The following SHANK2 variants were observed in gnomAD, a reference collection of about 807,000 sequenced individuals.
The protein encoded by SHANK2 is SH3 and multiple ankyrin repeat domains protein 2.
Under a neutral mutation model 133.7 loss-of-function variants are expected in SHANK2, and 43 were observed. That is an observed-to-expected ratio of 0.32 (90% CI 0.25 to 0.41). The LOEUF is 0.41. Among genes scored for constraint, SHANK2 ranks in the 10% least tolerant of loss-of-function variants. The probability of loss-of-function intolerance (pLI) is 1.00; values close to 1 mark genes in which losing one functional copy is unlikely to be tolerated. For missense variants in SHANK2, 1,994 were observed against 2,235.8 expected, an observed-to-expected ratio of 0.89 and a Z score of 2.18; for synonymous variants, 1,017 against 952.8, an observed-to-expected ratio of 1.07 and a Z score of -1.24.
At chr11:70,836,165 C>G (rs79916507) in intron 11 of SHANK2, among the ~76,000 whole-genome samples, 4,103 of 152,332 alleles carry the variant, frequency 0.027, 167 homozygotes, top group African/African-American at 0.093. Context: ...GCTCTCAGTC[C>G]TTAAGGGAGC....
rs1236116987 is a variant in SHANK2 at position 70,486,509 on chromosome 11, G to C, written c.3784C>G (p.Pro1262Ala). Residue 1262 changes from proline to alanine, a missense_variant, in exon 25 of 26, where the codon CCT becomes GCT. Pro to Ala is a conservative substitution (Grantham distance 27, BLOSUM62 -1). Coordinates refer to ENST00000601538, the MANE Select transcript of SHANK2 (RefSeq NM_012309.5). This position sits in a 1 kb window ranked among gnomAD's most constrained non-coding sequence, Gnocchi z 8.0. The stretch of plus-strand genomic sequence containing the variant: ...CGGGTGTTCTGCCTGGTGACCGTAG[G>C]GAAGCCGGCATCCAGGCTGGGCCGC... ...KMRPSLDAGF[P>A]TVTRQNTRGP... The C allele has an allele frequency of 6.2e-7, 1 of 1,614,022 alleles. No homozygotes were observed. The highest frequency in any genetic ancestry group is 2.2e-5 in the East Asian group (1 of 44,876).
intron 16 of SHANK2, 25 bp downstream of exon 16, chr11:70,661,571 T>G: frequency 3.9e-6 from 6 of 1,554,570 alleles, no homozygotes; most frequent in Admixed American, 1.7e-5. Flanking sequence ...GGGAACATAT[T>G]CAGGCTCAGA....
At position 70,500,829 on chromosome 11, in the gene SHANK2, C is replaced by T. The variant is rs1555158307; in HGVS notation, c.2288-239G>A. 4.2e-6 allele frequency: 3 copies of T among 715,728 alleles called. No individual in the cohort carries two copies. Among genetic ancestry groups the T allele is most frequent in the Non-Finnish European group, 7.8e-6 (3 of 386,324 alleles). The allele number at this position is 715,728 out of a possible 1,614,324, so 44.3% of individuals were successfully genotyped here. ...TCTGCCCTGCTCGTTAACCTACTGC[C>T]TGGCAGTGGAAAGGGGCTTTCCTTC... On this transcript the variant is annotated intron_variant, in intron 20 of 25. Coordinates refer to ENST00000601538, the MANE Select transcript of SHANK2 (RefSeq NM_012309.5). The surrounding 1 kb of genome is among the most constrained non-coding windows in gnomAD (Gnocchi z 4.5).
At chr11:70,757,349 T>C (rs782203178) in intron 14 of SHANK2, among the ~76,000 whole-genome samples, 7 of 152,224 alleles carry the variant, frequency 4.6e-5, no homozygotes, top group Non-Finnish European at 8.8e-5. Flanking sequence ...AGAGTGAGCA[T>C]AGCAGGCCTG....
intron 11 of SHANK2, among the ~76,000 whole-genome samples, chr11:70,858,144 T>A (rs1300328514): frequency 6.6e-6 from 1 of 152,212 alleles, no homozygotes; most frequent in African/African-American, 2.4e-5. Flanking sequence ...CTGTGCTCTG[T>A]CAAGAAGGAG....
chr11:70,822,128 C>T (rs1948537232), intron 11 of SHANK2, among the ~76,000 whole-genome samples: 1 of 152,252 alleles, frequency 6.6e-6, no homozygotes, highest in Admixed American at 6.5e-5. Context: ...GCAGAAACCA[C>T]CATCACTGGG....
chr11:70,768,868 G>C (rs1555042013), intron 14 of SHANK2, among the ~76,000 whole-genome samples: 2 of 152,046 alleles, frequency 1.3e-5, no homozygotes, highest in African/African-American at 4.8e-5. Flanking sequence ...ATGGGAAGAG[G>C]GGCCAGGTGG....
chr11:71,222,302 A>T lies in SHANK2; in HGVS notation c.-13+2395T>A, dbSNP rs139750541. Among the ~76,000 whole-genome samples, 912 of 152,272 alleles carry T rather than the reference A, an allele frequency of 6.0e-3. 9 individuals carry two copies. The highest frequency in any genetic ancestry group is 0.021 in the African/African-American group (882 of 41,540). On this transcript the variant is annotated intron_variant, in intron 2 of 25. Transcript: ENST00000601538. ...CCAGCCTTCGTGAGTTGCCCAGACAAGTTTTTCCTTCTCTCCTTCCCATTA... is the reference window on the plus strand; with the variant it reads ...CCAGCCTTCGTGAGTTGCCCAGACATGTTTTTCCTTCTCTCCTTCCCATTA...
At chr11:70,901,181 T>C (rs896881754) in intron 10 of SHANK2, among the ~76,000 whole-genome samples, 2 of 152,156 alleles carry the variant, frequency 1.3e-5, no homozygotes, top group Non-Finnish European at 2.9e-5. Flanking sequence ...AGTCAAGACA[T>C]TCACTCAAGC....
chr11:70,809,618 T>C (rs2135284743), intron 12 of SHANK2, among the ~76,000 whole-genome samples: 1 of 152,326 alleles, frequency 6.6e-6, no homozygotes, highest in South Asian at 2.1e-4. Flanking sequence ...CTTACCCATG[T>C]CAACGTGTTT....
intron 2 of SHANK2, among the ~76,000 whole-genome samples, chr11:71,151,367 C>T (rs2135425847): frequency 6.6e-6 from 1 of 152,308 alleles, no homozygotes; most frequent in South Asian, 2.1e-4. Context: ...TAGCGGGGTG[C>T]ACTGGAACCA....
chr11:70,789,165 T>C (rs1947731882), intron 14 of SHANK2, among the ~76,000 whole-genome samples: 1 of 152,150 alleles, frequency 6.6e-6, no homozygotes, highest in Non-Finnish European at 1.5e-5. Flanking sequence ...CTGGCACACA[T>C]GCTTCCCAGA....
At chr11:71,160,806 C>A (rs1165829253) in intron 2 of SHANK2, among the ~76,000 whole-genome samples, 10 of 152,174 alleles carry the variant, frequency 6.6e-5, no homozygotes, top group Admixed American at 1.3e-4. Flanking sequence ...CCAGGAAAAT[C>A]CCTGCTGGGT....
At chr11:70,595,626 C>A (rs532196994) in intron 17 of SHANK2, among the ~76,000 whole-genome samples, 1 of 152,314 alleles carries the variant, frequency 6.6e-6, no homozygotes, top group African/African-American at 2.4e-5. Context: ...CTCAGGTTCC[C>A]CTGGACCGTG....
rs374270780 is a variant in SHANK2 at position 70,905,154 on chromosome 11, C to T, written c.1108-8587G>A. ...GACAGGCTTGATGGTGGGAAATGAGCCAGCCAGACAGGCAGGTGAGGAGGA... is the reference window on the plus strand; with the variant it reads ...GACAGGCTTGATGGTGGGAAATGAGTCAGCCAGACAGGCAGGTGAGGAGGA... On this transcript the variant is annotated intron_variant, in intron 10 of 25. Transcript: ENST00000601538. Among the ~76,000 whole-genome samples the T allele has an allele frequency of 3.5e-4, 53 of 152,212 alleles. 1 individual carries two copies. The East Asian group carries it at 5.4e-3, about 16-fold the overall frequency.
intron 17 of SHANK2, among the ~76,000 whole-genome samples, chr11:70,553,294 T>C (rs888022814): frequency 1.6e-4 from 24 of 152,104 alleles, no homozygotes; most frequent in Admixed American, 9.8e-4. Flanking sequence ...GGTTTCACCA[T>C]GTTGGTCAGG....
chr11:70,837,688 G>A (rs534700910), intron 11 of SHANK2, among the ~76,000 whole-genome samples: 6 of 152,234 alleles, frequency 3.9e-5, no homozygotes, highest in East Asian at 1.9e-4. Flanking sequence ...AAAGATGTGC[G>A]TTGAGGCCAG....
At chr11:70,660,017 C>G in intron 16 of SHANK2, 65 bp from the exon 17 acceptor site, 1 of 1,610,992 alleles carries the variant, frequency 6.2e-7, no homozygotes, top group Non-Finnish European at 8.5e-7. Context: ...CATTGCCTGA[C>G]CTCCCCACAG....
intron 25 of SHANK2, among the ~76,000 whole-genome samples, chr11:70,478,840 C>T (rs1418746999): frequency 3.3e-5 from 5 of 152,250 alleles, no homozygotes; most frequent in Middle Eastern, 3.4e-3. Flanking sequence ...GTGACTTGAC[C>T]GAGTTACAGA....
Sources: gnomAD v4.1 joint callset for allele counts (sites outside exome capture counted in the v4.1 genomes callset) on GRCh38, gnomAD v4.1.1 for gene constraint, Gnocchi (gnomAD v3.1) non-coding constraint, MANE v1.5 for transcripts, NCBI Gene and HGNC (gene_info 2026-07-23, HGNC 2026-07-21) for gene names.